SPTAN1: variants seen among roughly 807,000 people sequenced by gnomAD.
The protein encoded by SPTAN1 is spectrin alpha chain, non-erythrocytic 1.
In SPTAN1, 61 loss-of-function variants were observed where a neutral mutation model predicts 331.3. That is an observed-to-expected ratio of 0.18 (90% CI 0.15 to 0.23). SPTAN1 has a LOEUF of 0.23. Among genes scored for constraint, SPTAN1 ranks in the 10% least tolerant of loss-of-function variants. The pLI, the probability that SPTAN1 is intolerant of heterozygous loss-of-function variation, is 1.00. For synonymous variants in SPTAN1, 1,153 were observed against 1,173.9 expected, an observed-to-expected ratio of 0.98 and a Z score of 0.36; for missense variants, 2,043 against 3,147.9, an observed-to-expected ratio of 0.65 and a Z score of 8.40.
chr9:128,630,684 C>T (rs1036143799), intron 52 of SPTAN1: 9 of 340,002 alleles, frequency 2.6e-5, no homozygotes, highest in African/African-American at 1.9e-4. Context: ...TGTGCCACCA[C>T]ATTTGGCTAA....
chr9:128,601,345 T>C (rs763738330), intron 27 of SPTAN1: 6 of 152,160 alleles, frequency 3.9e-5, no homozygotes, highest in Non-Finnish European at 5.9e-5. Flanking sequence ...TGTGTCTCAG[T>C]TCTAGCATCT....
intron 1 of SPTAN1, among the ~76,000 whole-genome samples, chr9:128,562,311 C>T (rs902597612): frequency 1.3e-5 from 2 of 152,034 alleles, no homozygotes; most frequent in African/African-American, 4.8e-5. Context: ...CCATGTTGGC[C>T]AGGCTGGTCT....
intron 1 of SPTAN1, among the ~76,000 whole-genome samples, chr9:128,553,619 G>A (rs775828981): frequency 6.6e-6 from 1 of 152,148 alleles, no homozygotes; most frequent in Non-Finnish European, 1.5e-5. Context: ...TTAAATAAGC[G>A]CCTTGTTAAA....
chr9:128,620,290 G>A (rs183488000), intron 44 of SPTAN1, among the ~76,000 whole-genome samples: 4 of 152,288 alleles, frequency 2.6e-5, no homozygotes, highest in Non-Finnish European at 4.4e-5. Flanking sequence ...TCCTCACCAT[G>A]GGAAGCATCC....
intron 1 of SPTAN1, among the ~76,000 whole-genome samples, chr9:128,557,685 A>C (rs1284509226): frequency 6.6e-6 from 1 of 151,604 alleles, no homozygotes. Flanking sequence ...AAAGATATTC[A>C]TGTCTAATCT....
Position 128,627,806 on chromosome 9 carries a change from G to A in SPTAN1, c.6690-119G>A. On this transcript the variant is annotated intron_variant, in intron 50 of 56. Transcript: ENST00000372739. This position sits in a 1 kb window ranked among gnomAD's most constrained non-coding sequence, Gnocchi z 4.9. ...AGACGATGCAGGGTCTGTGCGTTGG[G>A]TACTGATGTTCTTGCTTTTGTTTTC... 1 of 1,276,796 alleles carries A rather than the reference G, an allele frequency of 7.8e-7. No homozygotes were observed. The highest frequency in any genetic ancestry group is 1.2e-5 in the South Asian group (1 of 84,196). 79.1% of individuals were successfully genotyped at this position (1,276,796 alleles called of 1,614,324 possible). A position where few individuals can be genotyped will look rare whatever the true frequency, so the allele number is the denominator to read the frequency against.
In SPTAN1 at chr9:128,626,608, G is replaced by A. The variant is rs200834733; in HGVS notation, c.6497G>A (p.Arg2166His). 2.0e-5 allele frequency: 33 copies of A among 1,613,738 alleles called. No individual in the cohort carries two copies. The highest frequency in any genetic ancestry group is 2.2e-5 in the Non-Finnish European group (26 of 1,179,946). The change falls in exon 49 of 57, where the codon CGC (arginine) becomes CAC (histidine). Residue 2166 changes from arginine to histidine, a missense_variant. By Grantham distance (29) the Arg-to-His change is conservative (BLOSUM62 0). This residue lies in a region of SPTAN1 where 256 missense variants were observed against 376.4 expected (regional missense o/e 0.68). Coordinates refer to ENST00000372739, the MANE Select transcript of SPTAN1 (RefSeq NM_001130438.3). Reference protein sequence around the residue: ...AELDRQIKSFRVASNPYTWFT... With the variant: ...AELDRQIKSFHVASNPYTWFT... ...CTGGACCGCCAGATCAAGAGCTTCC[G>A]CGTAGCCTCCAACCCCTACACCTGG...
In SPTAN1 at chr9:128,560,359, C is replaced by T. The variant is rs1189840411; in HGVS notation, c.-3-6379C>T. On this transcript the variant is annotated intron_variant, in intron 1 of 56. Transcript: ENST00000372739. The stretch of plus-strand genomic sequence containing the variant: ...TCAGCCTTCCAAAATGCTAGGATTA[C>T]AGGTGTAAGCCACCGTGCCCGCCTT... 3.3e-5 allele frequency among the ~76,000 whole-genome samples: 5 copies of T among 149,556 alleles called. No homozygotes were observed. The South Asian group carries it at 1.1e-3, about 32-fold the overall frequency.
intron 5 of SPTAN1, among the ~76,000 whole-genome samples, chr9:128,575,667 G>A (rs73620025): frequency 8.3e-4 from 127 of 152,304 alleles, no homozygotes; most frequent in African/African-American, 2.8e-3. Context: ...GTGTGGTGGT[G>A]AATGCTAAGT....
intron 18 of SPTAN1, 132 bp from the exon 19 acceptor site, chr9:128,585,616 A>G (rs1341494730): frequency 1.9e-5 from 15 of 793,106 alleles, no homozygotes; most frequent in Non-Finnish European, 3.0e-5. Flanking sequence ...AAAAAAATGG[A>G]ATTATGAAAG....
At chr9:128,576,799 C>T in intron 5 of SPTAN1, 24 bp from the exon 6 acceptor site, 1 of 1,612,796 alleles carries the variant, frequency 6.2e-7, no homozygotes, top group Non-Finnish European at 8.5e-7. Context: ...TGTACAAATC[C>T]AGTCTCTTCT....
chr9:128,588,845 G>C lies in SPTAN1; in HGVS notation c.2908G>C (p.Glu970Gln). 1.2e-6 allele frequency: 2 copies of C among 1,614,184 alleles called. No individual in the cohort carries two copies. The highest frequency in any genetic ancestry group is 1.7e-6 in the Non-Finnish European group (2 of 1,180,022). Reference sequence around the variant, plus strand: ...CCCCACGGATGATGAGACTGGGAAGGAGCTGGTCTTGGCTCTCTACGACTA... The same window carrying C: ...CCCCACGGATGATGAGACTGGGAAGCAGCTGGTCTTGGCTCTCTACGACTA... ...VAPTDDETGK[E>Q]LVLALYDYQE... is the part of the protein sequence containing the mutation. Residue 970 changes from glutamate (E) to glutamine (Q), a missense_variant, in exon 21 of 57, where the codon GAG becomes CAG. Physicochemically the swap from Glu to Gln is conservative, Grantham distance 29 (BLOSUM62 2). Transcript: ENST00000372739.
intron 3 of SPTAN1, among the ~76,000 whole-genome samples, chr9:128,574,119 T>C (rs1851037549): frequency 6.6e-6 from 1 of 152,198 alleles, no homozygotes; most frequent in African/African-American, 2.4e-5. Flanking sequence ...TGATGATGCC[T>C]ATAAGACCTC....
chr9:128,555,620 CT>C (rs751209866), intron 1 of SPTAN1, among the ~76,000 whole-genome samples: 571 of 49,424 alleles, frequency 0.012, 3 homozygotes, highest in African/African-American at 0.024. Context: ...TTTGCAAAGC[CT>C]TTTTTTTTTT....
At chr9:128,562,910 A>G (rs1849542341) in intron 1 of SPTAN1, among the ~76,000 whole-genome samples, 1 of 149,388 alleles carries the variant, frequency 6.7e-6, no homozygotes, top group Non-Finnish European at 1.5e-5. Flanking sequence ...GCTTGCAGTG[A>G]GCCGAGATCA....
At chr9:128,562,990 GTGTATATATATATATATATA>G (rs1221836049) in intron 1 of SPTAN1, among the ~76,000 whole-genome samples, 17 of 1,792 alleles carry the variant, frequency 9.5e-3, no homozygotes, top group African/African-American at 0.013. Context: ...ATACATGTAT[GTGTATATATATATATATATA>G]TATATATATA....
chr9:128,560,829 C>G (rs1049256550), intron 1 of SPTAN1, among the ~76,000 whole-genome samples: 4 of 148,406 alleles, frequency 2.7e-5, no homozygotes, highest in South Asian at 2.1e-4. Flanking sequence ...CCAGTCTGGC[C>G]AATATGGTGA....
intron 23 of SPTAN1, chr9:128,593,855 C>T: frequency 2.6e-6 from 1 of 382,778 alleles, no homozygotes; most frequent in Non-Finnish European, 5.0e-6. Flanking sequence ...TGCATGAGCC[C>T]TGTGTTACTG....
At chr9:128,612,030 G>C (rs1856627866) in intron 38 of SPTAN1, 79 bp from the exon 39 acceptor site, 1 of 1,612,340 alleles carries the variant, frequency 6.2e-7, no homozygotes, top group Admixed American at 1.7e-5. Flanking sequence ...TCTTCTCTTA[G>C]AAGTTCTCAA....
Sources: allele counts gnomAD v4.1 joint callset (sites outside exome capture counted in the v4.1 genomes callset), GRCh38; gene constraint gnomAD v4.1.1; regional missense constraint gnomAD v4.1.1; non-coding constraint Gnocchi (gnomAD v3.1); transcripts MANE v1.5; gene names NCBI Gene and HGNC (gene_info 2026-07-23, HGNC 2026-07-21).